IRAG1: variants seen among roughly 807,000 people sequenced by gnomAD.
The protein encoded by IRAG1 is IP3R-associated cGMP kinase substrate.
A neutral mutation model predicts 106.2 loss-of-function variants in IRAG1; 62 were observed. The observed-to-expected ratio is 0.58, with a 90% CI of 0.48 to 0.72. IRAG1 has a LOEUF of 0.72. Among genes scored for constraint, IRAG1 ranks in the 30% least tolerant of loss-of-function variants. IRAG1 has a pLI of 0.00. For missense variants in IRAG1, 1,064 were observed against 1,140.7 expected, an observed-to-expected ratio of 0.93 and a Z score of 0.97; for synonymous variants, 462 against 443.9, an observed-to-expected ratio of 1.04 and a Z score of -0.51.
chr11:10,597,122 T>G (rs1439412432), intron 15 of IRAG1, among the ~76,000 whole-genome samples: 1 of 152,196 alleles, frequency 6.6e-6, no homozygotes, highest in Non-Finnish European at 1.5e-5. Context: ...CCTTGCCTTG[T>G]GACTTCAAGG....
intron 2 of IRAG1, among the ~76,000 whole-genome samples, chr11:10,635,871 G>A (rs539463573): frequency 6.7e-6 from 1 of 150,158 alleles, no homozygotes; most frequent in South Asian, 2.1e-4. Context: ...AGATCCTTGA[G>A]GAGATGTTCA....
At chr11:10,635,597 C>T (rs1591648128) in intron 2 of IRAG1, among the ~76,000 whole-genome samples, 1 of 152,208 alleles carries the variant, frequency 6.6e-6, no homozygotes, top group Admixed American at 6.5e-5. Flanking sequence ...GTGTTGGTTC[C>T]CTGCAAGGTA....
At position 10,581,869 on chromosome 11, in the gene IRAG1, C is replaced by T. The variant is rs775868180; in HGVS notation, c.2358G>A (p.Lys786=). The T allele has an allele frequency of 1.7e-5, 27 of 1,613,576 alleles. No homozygotes were observed. The highest frequency in any genetic ancestry group is 2.2e-5 in the Non-Finnish European group (26 of 1,179,690). The change falls in exon 19 of 21, where the codon AAG becomes AAA. Residue 786 remains lysine (K), a splice_region_variant and synonymous_variant. Coordinates refer to ENST00000423302, the MANE Select transcript of IRAG1 (RefSeq NM_130385.4). ...GGGGTGGCTGAGGTCTGACTCACCC[C>T]TTGCTGTAGGCTTCTTCCTCCATCC... ...KARMEEEAYS[K]GFQEGLKKTK...
intron 1 of IRAG1, among the ~76,000 whole-genome samples, chr11:10,673,660 A>G (rs1346287767): frequency 1.3e-5 from 2 of 152,176 alleles, no homozygotes; most frequent in African/African-American, 2.4e-5. Context: ...TGTGGATTAT[A>G]TTTTAACAAA....
intron 1 of IRAG1, among the ~76,000 whole-genome samples, chr11:10,652,738 C>T (rs35328794): frequency 0.049 from 7,495 of 152,240 alleles, 304 homozygotes; most frequent in Admixed American, 0.12. Context: ...TGCTATACTA[C>T]ACAGTGTTCC....
chr11:10,579,918 C>T (rs11042886), intron 20 of IRAG1, among the ~76,000 whole-genome samples: 6,401 of 152,266 alleles, frequency 0.042, 237 homozygotes, highest in African/African-American at 0.096. Flanking sequence ...TATTTCCAAC[C>T]TAAAGTGAAG....
chr11:10,624,962 T>A (rs1211767137), intron 9 of IRAG1, among the ~76,000 whole-genome samples: 2 of 152,210 alleles, frequency 1.3e-5, no homozygotes, highest in Non-Finnish European at 2.9e-5. Flanking sequence ...CTGGGCCCTG[T>A]GCTGTTTGAT....
Position 10,657,553 on chromosome 11 carries a change from G to A in IRAG1, c.68-5371C>T, listed in dbSNP as rs1040818391. On this transcript the variant is annotated intron_variant, in intron 1 of 20. Coordinates refer to ENST00000423302, the MANE Select transcript of IRAG1 (RefSeq NM_130385.4). The surrounding 1 kb of genome is among the most constrained non-coding windows in gnomAD (Gnocchi z 4.1). Reference sequence around the variant, plus strand: ...GGGAAGAGCCAAGAAGCCCTTTCGGGAAACCATGGGTTAACCTAGCCTCCA... The same window carrying A: ...GGGAAGAGCCAAGAAGCCCTTTCGGAAAACCATGGGTTAACCTAGCCTCCA... 6.6e-6 allele frequency among the ~76,000 whole-genome samples: 1 copy of A among 152,210 alleles called. No individual in the cohort carries two copies. Among genetic ancestry groups the A allele is most frequent in the Non-Finnish European group, 1.5e-5 (1 of 68,038 alleles).
At chr11:10,624,512 C>T (rs1040737100) in intron 9 of IRAG1, among the ~76,000 whole-genome samples, 6 of 152,304 alleles carry the variant, frequency 3.9e-5, no homozygotes, top group African/African-American at 1.2e-4. Context: ...AGCACCAGAC[C>T]AAGGACCTGA....
At chr11:10,618,977 G>T (rs1306964694) in intron 10 of IRAG1, among the ~76,000 whole-genome samples, 1 of 152,130 alleles carries the variant, frequency 6.6e-6, no homozygotes, top group East Asian at 1.9e-4. Flanking sequence ...TGCAGGGAGA[G>T]GGGACCAGGT....
intron 1 of IRAG1, among the ~76,000 whole-genome samples, chr11:10,691,467 C>T (rs1016146256): frequency 2.0e-5 from 3 of 152,164 alleles, no homozygotes; most frequent in Non-Finnish European, 2.9e-5. Context: ...GTCAAGGAAC[C>T]TAGCTTCCTC....
In IRAG1 at chr11:10,673,897, G is replaced by A. The variant is rs367642898; in HGVS notation, c.67+19639C>T. On this transcript the variant is annotated intron_variant, in intron 1 of 20. Transcript: ENST00000423302. ...TAGATTATGTGTCTAGGATGGGCTC[G>A]TGTGAGGAGAAATGAAGGAGGAGGC... 4.6e-5 allele frequency among the ~76,000 whole-genome samples: 7 copies of A among 152,208 alleles called. No homozygotes were observed. In the East Asian group the frequency reaches 5.8e-4, roughly 13 times the overall value.
At chr11:10,589,258 A>G (rs1312962751) in intron 18 of IRAG1, 2 of 152,172 alleles carry the variant, frequency 1.3e-5, no homozygotes, top group East Asian at 3.8e-4. Context: ...CAGTCTCCAA[A>G]GCAATGTATA....
At chr11:10,660,161 C>T (rs1384297587) in intron 1 of IRAG1, among the ~76,000 whole-genome samples, 1 of 152,128 alleles carries the variant, frequency 6.6e-6, no homozygotes, top group African/African-American at 2.4e-5. Flanking sequence ...TGCACAGGAG[C>T]CTGCTTGTTC....
chr11:10,601,936 C>T (rs1402818197), intron 14 of IRAG1, among the ~76,000 whole-genome samples: 1 of 152,206 alleles, frequency 6.6e-6, no homozygotes, highest in Non-Finnish European at 1.5e-5. Context: ...GGCTGAGGCA[C>T]AAGTTTGGGA....
chr11:10,666,925 C>G (rs1009963567), intron 1 of IRAG1, among the ~76,000 whole-genome samples: 4 of 152,108 alleles, frequency 2.6e-5, no homozygotes, highest in Non-Finnish European at 4.4e-5. Flanking sequence ...GCAACATTAC[C>G]AAGGCCTGAG....
chr11:10,633,200 G>C (rs558098341), intron 3 of IRAG1, among the ~76,000 whole-genome samples: 1 of 150,512 alleles, frequency 6.6e-6, no homozygotes, highest in African/African-American at 2.4e-5. Flanking sequence ...TCAGCCTCCC[G>C]AGTAGCTGGG....
chr11:10,593,745 G>A, intron 16 of IRAG1, 146 bp from the exon 17 acceptor site: 1 of 662,488 alleles, frequency 1.5e-6, no homozygotes, highest in Non-Finnish European at 2.6e-6. Context: ...GATAGAATTG[G>A]TGTGGAGAGA....
chr11:10,677,891 T>C (rs1860817206), intron 1 of IRAG1, among the ~76,000 whole-genome samples: 1 of 152,384 alleles, frequency 6.6e-6, no homozygotes, highest in African/African-American at 2.4e-5. Context: ...TGTGACATTT[T>C]CGGTCTAGCT....
Sources: gnomAD v4.1 joint callset for allele counts (sites outside exome capture counted in the v4.1 genomes callset) on GRCh38, gnomAD v4.1.1 for gene constraint, Gnocchi (gnomAD v3.1) non-coding constraint, MANE v1.5 for transcripts, NCBI Gene and HGNC (gene_info 2026-07-23, HGNC 2026-07-21) for gene names.